The following RNLS variants were observed in gnomAD, a reference collection of about 807,000 sequenced individuals.
RNLS encodes the protein renalase, FAD dependent amine oxidase.
In RNLS, 39 loss-of-function variants were observed where a neutral mutation model predicts 39.8. That is an observed-to-expected ratio of 0.98 (90% CI 0.76 to 1.28). The LOEUF is 1.28. RNLS is among the 50% of genes most tolerant of loss of function. The pLI, the probability that RNLS is intolerant of heterozygous loss-of-function variation, is 0.00. For missense variants in RNLS, 410 were observed against 413.3 expected (o/e 0.99, Z 0.07); for synonymous variants, 147 against 150.7 (o/e 0.98, Z 0.18).
chr10:88,574,780 C>A (rs1850061400), intron 3 of RNLS, among the ~76,000 whole-genome samples: 1 of 152,104 alleles, frequency 6.6e-6, no homozygotes, highest in Non-Finnish European at 1.5e-5. Flanking sequence ...GAGGGCTTTT[C>A]TAAGGCCCCT....
chr10:88,576,673 C>T (rs984837662), intron 3 of RNLS, among the ~76,000 whole-genome samples: 1 of 152,128 alleles, frequency 6.6e-6, no homozygotes, highest in Non-Finnish European at 1.5e-5. Flanking sequence ...AATTTTGAGA[C>T]AGAACCACCC....
chr10:88,440,451 G>T (rs977035543), intron 4 of RNLS, among the ~76,000 whole-genome samples: 1 of 152,138 alleles, frequency 6.6e-6, no homozygotes, highest in Non-Finnish European at 1.5e-5. Context: ...AAAGAAAAGT[G>T]CTACTCACTT....
chr10:88,285,327 C>A lies in RNLS; in HGVS notation c.*27G>T. On this transcript the variant is annotated 3_prime_UTR_variant, in exon 7 of 7. Coordinates refer to ENST00000331772, the MANE Select transcript of RNLS (RefSeq NM_001031709.3). ...AAATTGTGAAAATAAAAACCCAATA[C>A]ACATGTAGAGAATAAGGATATAGGC... 6.5e-7 allele frequency: 1 copy of A among 1,532,914 alleles called. No homozygotes were observed. The highest frequency in any genetic ancestry group is 2.3e-5 in the East Asian group (1 of 42,746). The allele number at this position is 1,532,914 out of a possible 1,614,324, so 95.0% of individuals were successfully genotyped here.
rs369754141 is a variant in RNLS, at chr10:88,571,201, C to T, written c.526+1702G>A. On this transcript the variant is annotated intron_variant, in intron 4 of 6. Coordinates refer to ENST00000331772, the MANE Select transcript of RNLS (RefSeq NM_001031709.3). ...CTTGCTATATTTCCCAGGCTGACCTCGAACACCTGGGCTCAAGCAACCCTC... is the reference window on the plus strand; with the variant it reads ...CTTGCTATATTTCCCAGGCTGACCTTGAACACCTGGGCTCAAGCAACCCTC... 4.7e-4 allele frequency among the ~76,000 whole-genome samples: 72 copies of T among 151,894 alleles called. 1 individual carries two copies. In the South Asian group the frequency reaches 0.012, roughly 25 times the overall value.
the RNLS span, among the ~76,000 whole-genome samples, chr10:88,182,022 C>T: frequency 6.6e-6 from 1 of 152,152 alleles, no homozygotes; most frequent in South Asian, 2.1e-4. Flanking sequence ...GCTCTTCAAA[C>T]ACCACTTATG....
At chr10:88,265,984 C>A in the RNLS span, among the ~76,000 whole-genome samples, 1 of 152,162 alleles carries the variant, frequency 6.6e-6, no homozygotes. Flanking sequence ...CAGCATGAGG[C>A]AGCTCACATT....
chr10:88,375,453 T>A (rs1228158941), intron 4 of RNLS, among the ~76,000 whole-genome samples: 1 of 152,226 alleles, frequency 6.6e-6, no homozygotes, highest in African/African-American at 2.4e-5. Flanking sequence ...TTGTTTTGAT[T>A]GTATTGCTCT....
chr10:88,257,631 A>G, the RNLS span, among the ~76,000 whole-genome samples: 1 of 152,192 alleles, frequency 6.6e-6, no homozygotes, highest in Non-Finnish European at 1.5e-5. Context: ...AGGCTGGGAG[A>G]CCTATAGCTA....
intron 6 of RNLS, among the ~76,000 whole-genome samples, chr10:88,289,395 C>T (rs1843512855): frequency 6.6e-6 from 1 of 152,110 alleles, no homozygotes; most frequent in Non-Finnish European, 1.5e-5. Context: ...TGGCTTGGAA[C>T]AAACCATTTT....
the RNLS span, among the ~76,000 whole-genome samples, chr10:88,230,642 G>A: frequency 6.6e-6 from 1 of 152,100 alleles, no homozygotes. Context: ...ACACAAATAA[G>A]GTCAGTCTCA....
chr10:88,229,094 C>T, the RNLS span, among the ~76,000 whole-genome samples: 2 of 152,192 alleles, frequency 1.3e-5, no homozygotes, highest in African/African-American at 4.8e-5. Context: ...ATTACACTTC[C>T]ACTTTTAAAT....
At chr10:88,415,719 G>GA (rs1295825445) in intron 4 of RNLS, among the ~76,000 whole-genome samples, 1 of 152,124 alleles carries the variant, frequency 6.6e-6, no homozygotes, top group African/African-American at 2.4e-5. Flanking sequence ...TCTTAGAATA[G>GA]TATTTGGCAC....
intron 5 of RNLS, among the ~76,000 whole-genome samples, chr10:88,339,894 G>A (rs1198497667): frequency 6.6e-6 from 1 of 151,776 alleles, no homozygotes; most frequent in Non-Finnish European, 1.5e-5. Flanking sequence ...GTTGGGCTGT[G>A]AGGCAGACCT....
At chr10:88,207,144 C>CA in the RNLS span, among the ~76,000 whole-genome samples, 1 of 152,044 alleles carries the variant, frequency 6.6e-6, no homozygotes, top group Non-Finnish European at 1.5e-5. Context: ...GATAGAACAT[C>CA]AAAATCATGA....
intron 4 of RNLS, among the ~76,000 whole-genome samples, chr10:88,425,212 T>C (rs931446199): frequency 1.3e-5 from 2 of 152,146 alleles, no homozygotes; most frequent in African/African-American, 4.8e-5. Context: ...AGAGATGCAT[T>C]AGTTGTCTCG....
intron 4 of RNLS, among the ~76,000 whole-genome samples, chr10:88,447,676 A>G (rs928341230): frequency 2.6e-5 from 4 of 152,312 alleles, no homozygotes; most frequent in Non-Finnish European, 5.9e-5. Context: ...TTCATATGGA[A>G]CCAAAAAAGA....
chr10:88,509,420 T>G (rs1226789866), intron 4 of RNLS, among the ~76,000 whole-genome samples: 1 of 134,302 alleles, frequency 7.4e-6, no homozygotes, highest in Non-Finnish European at 1.5e-5. Context: ...ATGATAGAAT[T>G]AGTGGAAGAA....
chr10:88,522,555 A>C (rs1453374041), intron 4 of RNLS, among the ~76,000 whole-genome samples: 1 of 152,088 alleles, frequency 6.6e-6, no homozygotes, highest in African/African-American at 2.4e-5. Flanking sequence ...ATTTATACAA[A>C]AATATTTTCA....
the RNLS span, among the ~76,000 whole-genome samples, chr10:88,214,320 G>A: frequency 6.6e-6 from 1 of 152,122 alleles, no homozygotes; most frequent in Non-Finnish European, 1.5e-5. Flanking sequence ...ACAGAGCTAA[G>A]CTGCCTTTTA....
Sources: allele counts gnomAD v4.1 joint callset (sites outside exome capture counted in the v4.1 genomes callset), GRCh38; gene constraint gnomAD v4.1.1; transcripts MANE v1.5; gene names NCBI Gene and HGNC (gene_info 2026-07-23, HGNC 2026-07-21).